Variants in ENO1 observed in about 807,000 individuals in gnomAD.
The protein encoded by ENO1 is alpha-enolase.
ENO1 carries 33 observed loss-of-function variants against 46.3 expected under a neutral mutation model. The ratio of observed to expected loss-of-function variants is 0.71; its 90% CI spans 0.54 to 0.95. The LOEUF (loss-of-function observed/expected upper bound fraction) is 0.95. Among genes scored for constraint, ENO1 ranks in the 40% least tolerant of loss-of-function variants. The pLI, the probability that ENO1 is intolerant of heterozygous loss-of-function variation, is 0.00. For missense variants in ENO1, 488 were observed against 553.3 expected, an observed-to-expected ratio of 0.88 and a Z score of 1.18; for synonymous variants, 220 against 216.0, an observed-to-expected ratio of 1.02 and a Z score of -0.16.
chr1:8,871,671 C>A, intron 3 of ENO1: 1 of 1,352,162 alleles, frequency 7.4e-7, no homozygotes. Context: ...AGCATTGGAA[C>A]TCTCGACCCA....
chr1:8,877,334 G>A (rs187972586), intron 1 of ENO1, among the ~76,000 whole-genome samples: 33 of 151,830 alleles, frequency 2.2e-4, no homozygotes, highest in Admixed American at 1.4e-3. Context: ...TGATCCTGAG[G>A]AGGCCCACCT....
At chr1:8,863,122 A>G (rs1642439108) in intron 10 of ENO1, 113 bp downstream of exon 10, 4 of 1,381,512 alleles carry the variant, frequency 2.9e-6, no homozygotes, top group Non-Finnish European at 4.0e-6. Flanking sequence ...CAGAAACAAG[A>G]GCACTGACTC....
chr1:8,866,282 C>T lies in ENO1; in HGVS notation c.664G>A (p.Glu222Lys), dbSNP rs768963635. The change falls in exon 7 of 12, where the codon GAA (glutamate) becomes AAA (lysine). Residue 222 changes from glutamate to lysine, a missense_variant. Physicochemically the swap from Glu to Lys is moderately conservative, Grantham distance 56. Transcript: ENST00000234590. Reference sequence around the variant, plus strand: ...GGCGGTTCCCTAGCGCCTTTACCTTCTTTATTCTCCAGGATGTTGGGAGCA... The same window carrying T: ...GGCGGTTCCCTAGCGCCTTTACCTTTTTTATTCTCCAGGATGTTGGGAGCA... ...GFAPNILENK[E>K]GLELLKTAIG... 2 of 1,613,958 alleles carry T rather than the reference C, an allele frequency of 1.2e-6. No individual in the cohort carries two copies. Among genetic ancestry groups the T allele is most frequent in the Admixed American group, 3.3e-5 (2 of 60,010 alleles).
At chr1:8,866,563 C>T (rs1455303266) in intron 6 of ENO1, 62 bp from the exon 7 acceptor site, 3 of 1,549,612 alleles carry the variant, frequency 1.9e-6, no homozygotes, top group Non-Finnish European at 2.7e-6. Flanking sequence ...GGGCAGTAAG[C>T]CCCTCTGGTC....
intron 8 of ENO1, 111 bp from the exon 9 acceptor site, chr1:8,864,203 C>A: frequency 8.4e-7 from 1 of 1,186,760 alleles, no homozygotes; most frequent in Non-Finnish European, 1.3e-6. Flanking sequence ...TCACAATGCC[C>A]AAAAGCATAG....
chr1:8,872,012 T>C (rs377371057), intron 2 of ENO1, 26 bp from the exon 3 acceptor site: 10 of 1,598,548 alleles, frequency 6.3e-6, no homozygotes, highest in Middle Eastern at 3.3e-4. Flanking sequence ...AAAGATGTAG[T>C]AGCAATTCAG....
In ENO1 at chr1:8,861,223, C is replaced by G; in HGVS notation, c.*137G>C. On this transcript the variant is annotated 3_prime_UTR_variant, in exon 12 of 12. Coordinates refer to ENST00000234590, the MANE Select transcript of ENO1 (RefSeq NM_001428.5). The stretch of plus-strand genomic sequence containing the variant: ...CTGTAGAAGTTCTAAGGAAGCGGTA[C>G]GAACTCCACGGCGGTGGGGCGCTAA... 4.8e-6 allele frequency: 4 copies of G among 824,916 alleles called. No individual in the cohort carries two copies. The highest frequency in any genetic ancestry group is 2.5e-5 in the Admixed American group (1 of 39,674). 51.1% of individuals were successfully genotyped at this position (824,916 alleles called of 1,614,324 possible).
chr1:8,871,001 G>C, intron 3 of ENO1: 1 of 1,242,624 alleles, frequency 8.0e-7, no homozygotes, highest in Non-Finnish European at 1.0e-6. Flanking sequence ...CATTTCAGGG[G>C]CCATGCGTTC....
intron 5 of ENO1, among the ~76,000 whole-genome samples, chr1:8,867,483 C>A (rs1225902646): frequency 6.6e-6 from 1 of 152,158 alleles, no homozygotes; most frequent in Non-Finnish European, 1.5e-5. Flanking sequence ...TTATAAGGAG[C>A]AAAGCTCTTC....
chr1:8,876,669 G>C (rs1267776314), intron 1 of ENO1, among the ~76,000 whole-genome samples: 3 of 152,078 alleles, frequency 2.0e-5, no homozygotes, highest in African/African-American at 7.2e-5. Context: ...AGGCCGAGGA[G>C]GGTGGATCAC....
At chr1:8,876,548 G>A (rs1642736420) in intron 1 of ENO1, among the ~76,000 whole-genome samples, 1 of 152,174 alleles carries the variant, frequency 6.6e-6, no homozygotes, top group Non-Finnish European at 1.5e-5. Flanking sequence ...TACTTTTAAA[G>A]GCAATTTTAT....
At chr1:8,874,577 C>CAAAAAAAAAAAAAAAAAAAAAAAAA (rs140269736) in intron 2 of ENO1, among the ~76,000 whole-genome samples, 36 of 51,574 alleles carry the variant, frequency 7.0e-4, no homozygotes, top group Admixed American at 1.6e-3. Context: ...GACTCCATCT[C>CAAAAAAAAAAAAAAAAAAAAAAAAA]AAAAAAAAAA....
At chr1:8,863,864 A>G in intron 9 of ENO1, 27 bp downstream of exon 9, 1 of 1,613,540 alleles carries the variant, frequency 6.2e-7, no homozygotes, top group Non-Finnish European at 8.5e-7. Context: ...AGCTGCGGGA[A>G]AGCTGCTCGC....
chr1:8,871,609 C>A, intron 3 of ENO1: 1 of 1,221,774 alleles, frequency 8.2e-7, no homozygotes, highest in Non-Finnish European at 1.0e-6. Context: ...GGGTTCCTGT[C>A]CTAACCGTGA....
At chr1:8,875,108 T>C (rs930136735) in intron 1 of ENO1, among the ~76,000 whole-genome samples, 191 bp from the exon 2 acceptor site, 1 of 152,136 alleles carries the variant, frequency 6.6e-6, no homozygotes. Flanking sequence ...CCTAATTAAG[T>C]AGTTAGGGCC....
chr1:8,872,011 G>A (rs1249415958), intron 2 of ENO1, 25 bp from the exon 3 acceptor site: 8 of 1,600,840 alleles, frequency 5.0e-6, no homozygotes, highest in Non-Finnish European at 5.1e-6. Flanking sequence ...AAAAGATGTA[G>A]TAGCAATTCA....
Position 8,875,342 on chromosome 1 carries a change from C to T in ENO1, c.-9-425G>A, listed in dbSNP as rs377483078. ...AAAAGAGAGAGAAAAAGCCCACAAA[C>T]GTGTGTGCCCAGGGAGAATCAAATC... is the stretch of plus-strand genomic sequence containing the variant. On this transcript the variant is annotated intron_variant, in intron 1 of 11. Coordinates refer to ENST00000234590, the MANE Select transcript of ENO1 (RefSeq NM_001428.5). Among the ~76,000 whole-genome samples the T allele has an allele frequency of 2.2e-4, 33 of 151,346 alleles. No homozygotes were observed. The East Asian group carries it at 3.9e-3, about 18-fold the overall frequency.
At chr1:8,870,351 A>G in intron 4 of ENO1, 101 bp downstream of exon 4, 1 of 1,460,780 alleles carries the variant, frequency 6.8e-7, no homozygotes, top group Non-Finnish European at 9.5e-7. Flanking sequence ...ATAGGCTTCT[A>G]CAGCTCTCAG....
chr1:8,870,271 T>C (rs1642602393), intron 4 of ENO1, 181 bp downstream of exon 4: 2 of 671,186 alleles, frequency 3.0e-6, no homozygotes, highest in Non-Finnish European at 4.9e-6. Context: ...CTCCCAAAAG[T>C]GGGGTGAGGC....
Sources: gnomAD v4.1 joint callset for allele counts (sites outside exome capture counted in the v4.1 genomes callset) on GRCh38, gnomAD v4.1.1 for gene constraint, MANE v1.5 for transcripts, NCBI Gene and HGNC (gene_info 2026-07-23, HGNC 2026-07-21) for gene names.